Variants in SLC25A48 observed in about 807,000 individuals in gnomAD.
The protein encoded by SLC25A48 is solute carrier family 25 member 48.
A neutral mutation model predicts 32.2 loss-of-function variants in SLC25A48; 29 were observed. The ratio of observed to expected loss-of-function variants is 0.90; its 90% CI spans 0.67 to 1.23. SLC25A48 has a LOEUF of 1.23. Ranked by LOEUF, SLC25A48 falls within the 50% of genes most tolerant of loss-of-function variation. The pLI is 0.00. For missense variants in SLC25A48, 399 were observed against 422.7 expected (o/e 0.94, Z 0.49); for synonymous variants, 164 against 172.3 (o/e 0.95, Z 0.38).
intron 3 of SLC25A48, among the ~76,000 whole-genome samples, chr5:135,778,172 G>A (rs958325972): frequency 6.6e-6 from 1 of 151,680 alleles, no homozygotes; most frequent in Non-Finnish European, 1.5e-5. Context: ...AATATTAAGG[G>A]GGGGAGAGGA....
intron 4 of SLC25A48, among the ~76,000 whole-genome samples, chr5:135,869,281 G>C (rs1356072089): frequency 6.6e-6 from 1 of 152,210 alleles, no homozygotes; most frequent in Non-Finnish European, 1.5e-5. Context: ...GTATCCTGGT[G>C]ATGGGAGTCA....
chr5:135,628,121 G>T (rs1752479010), intron 1 of SLC25A48, among the ~76,000 whole-genome samples: 1 of 152,160 alleles, frequency 6.6e-6, no homozygotes. Context: ...ATTTGGCTGG[G>T]TTTGAAGGAT....
chr5:135,672,472 A>C (rs143312460), intron 3 of SLC25A48, among the ~76,000 whole-genome samples: 1 of 152,286 alleles, frequency 6.6e-6, no homozygotes, highest in Non-Finnish European at 1.5e-5. Flanking sequence ...TCCCCACAAG[A>C]GTGTGAGACT....
At chr5:135,602,904 A>G (rs748421615) in intron 1 of SLC25A48, among the ~76,000 whole-genome samples, 16 of 152,126 alleles carry the variant, frequency 1.1e-4, no homozygotes, top group Non-Finnish European at 2.4e-4. Context: ...AGATGGATAT[A>G]TGTCTGTTTC....
At position 135,888,506 on chromosome 5, in the gene SLC25A48, G is replaced by A; in HGVS notation, c.*482G>A. On this transcript the variant is annotated 3_prime_UTR_variant, in exon 8 of 8. Transcript: ENST00000681962. ...GCACCCGTGGATCCTGAGGACAGCG[G>A]TAGCGCCTTCCTCACCGCACGCTGA... 2 of 171,536 alleles carry A rather than the reference G, an allele frequency of 1.2e-5. No homozygotes were observed. Among genetic ancestry groups the A allele is most frequent in the Non-Finnish European group, 2.5e-5 (2 of 79,758 alleles). The allele number at this position is 171,536 out of a possible 1,614,324, so 10.6% of individuals were successfully genotyped here.
intron 3 of SLC25A48, among the ~76,000 whole-genome samples, chr5:135,786,946 G>A (rs941979180): frequency 3.3e-5 from 5 of 151,932 alleles, no homozygotes; most frequent in African/African-American, 4.8e-5. Flanking sequence ...AATCCTAGGT[G>A]GATGTTACTC....
At chr5:135,721,250 G>T in intron 3 of SLC25A48, among the ~76,000 whole-genome samples, 1 of 99,450 alleles carries the variant, frequency 1.0e-5, no homozygotes, top group East Asian at 2.6e-4. Context: ...CGCCCAGGCT[G>T]GAGTACAATG....
intron 3 of SLC25A48, among the ~76,000 whole-genome samples, chr5:135,725,677 G>T (rs1375041911): frequency 1.3e-5 from 2 of 152,102 alleles, no homozygotes; most frequent in Admixed American, 6.5e-5. Context: ...GCAGTCAGAG[G>T]TGTTAGCTGT....
At chr5:135,871,083 A>G (rs1378018512) in intron 4 of SLC25A48, among the ~76,000 whole-genome samples, 2 of 128,088 alleles carry the variant, frequency 1.6e-5, no homozygotes, top group Non-Finnish European at 3.5e-5. Flanking sequence ...ACACACACAC[A>G]CACACACACA....
At chr5:135,806,091 C>A (rs992004488) in intron 3 of SLC25A48, among the ~76,000 whole-genome samples, 1 of 151,650 alleles carries the variant, frequency 6.6e-6, no homozygotes, top group African/African-American at 2.4e-5. Context: ...TTATTGTACA[C>A]CCTTTGCATT....
intron 3 of SLC25A48, among the ~76,000 whole-genome samples, chr5:135,788,026 G>A (rs1001521338): frequency 1.3e-5 from 2 of 151,942 alleles, no homozygotes; most frequent in Non-Finnish European, 2.9e-5. Flanking sequence ...TATATTATTT[G>A]TAATATCTTA....
chr5:135,813,785 G>T (rs1285988787), intron 4 of SLC25A48, among the ~76,000 whole-genome samples: 1 of 152,288 alleles, frequency 6.6e-6, no homozygotes, highest in East Asian at 1.9e-4. Context: ...TTGGGAAAAA[G>T]GGGAGAGAGG....
intron 3 of SLC25A48, among the ~76,000 whole-genome samples, chr5:135,785,019 T>G (rs142029861): frequency 1.7e-5 from 1 of 58,072 alleles, no homozygotes; most frequent in Non-Finnish European, 6.5e-5. Context: ...TATCATAAGG[T>G]GGACAGGATG....
At chr5:135,690,784 G>A (rs972884216) in intron 3 of SLC25A48, among the ~76,000 whole-genome samples, 2 of 152,178 alleles carry the variant, frequency 1.3e-5, no homozygotes, top group Admixed American at 1.3e-4. Context: ...ACAGGAACCA[G>A]ATGTCCACAC....
intron 3 of SLC25A48, among the ~76,000 whole-genome samples, chr5:135,665,279 T>G (rs1753493606): frequency 6.6e-6 from 1 of 152,002 alleles, no homozygotes; most frequent in Non-Finnish European, 1.5e-5. Flanking sequence ...TTATTTGTTG[T>G]TTTTTTTCTT....
intron 2 of SLC25A48, among the ~76,000 whole-genome samples, chr5:135,846,717 T>G (rs1228907433): frequency 6.6e-6 from 1 of 152,190 alleles, no homozygotes; most frequent in East Asian, 1.9e-4. Flanking sequence ...ATCTTCAAGA[T>G]GTATCCACTG....
At chr5:135,771,583 C>T (rs982822092) in intron 3 of SLC25A48, among the ~76,000 whole-genome samples, 3 of 151,364 alleles carry the variant, frequency 2.0e-5, no homozygotes, top group Non-Finnish European at 4.4e-5. Context: ...TTCCTAATAT[C>T]TAGGGGGGAA....
intron 1 of SLC25A48, among the ~76,000 whole-genome samples, chr5:135,620,314 G>A (rs1752294534): frequency 1.3e-5 from 2 of 152,154 alleles, no homozygotes; most frequent in Admixed American, 1.3e-4. Flanking sequence ...ATGCTTGGGT[G>A]TCATGGGGAT....
At chr5:135,633,603 T>C (rs764953276) in intron 2 of SLC25A48, among the ~76,000 whole-genome samples, 10 of 151,990 alleles carry the variant, frequency 6.6e-5, no homozygotes, top group Non-Finnish European at 1.2e-4. Context: ...AAAATACATT[T>C]CTGTTGTTTA....
Sources: allele counts gnomAD v4.1 joint callset (sites outside exome capture counted in the v4.1 genomes callset), GRCh38; gene constraint gnomAD v4.1.1; transcripts MANE v1.5; gene names NCBI Gene and HGNC (gene_info 2026-07-23, HGNC 2026-07-21).